Variants in REXO1 observed in about 807,000 individuals in gnomAD.
REXO1 encodes REX1, RNA exonuclease 1 homolog.
Under a neutral mutation model 102.6 loss-of-function variants are expected in REXO1, and 42 were observed. That is an observed-to-expected ratio of 0.41 (90% confidence interval 0.32 to 0.53). The LOEUF (loss-of-function observed/expected upper bound fraction) is 0.53. Among genes scored for constraint, REXO1 ranks in the 20% least tolerant of loss-of-function variants. REXO1 has a pLI of 0.27. For missense variants in REXO1, 1,819 were observed against 1,732.5 expected, an observed-to-expected ratio of 1.05 and a Z score of -0.89; for synonymous variants, 908 against 779.1, an observed-to-expected ratio of 1.17 and a Z score of -2.76.
chr19:1,839,716 C>T (rs894127856), intron 1 of REXO1, among the ~76,000 whole-genome samples: 6 of 152,246 alleles, frequency 3.9e-5, no homozygotes, highest in African/African-American at 1.4e-4. Context: ...AGGGCAGGGC[C>T]CTCCCTCTCT....
At position 1,826,902 on chromosome 19, in the gene REXO1, C is replaced by G; in HGVS notation, c.1887G>C (p.Glu629Asp). ...CCTGCCGGGCCAGCCGGCCTCTGTC[C>G]TCCGTCTTGACGCTGGTGGACTCGT... Reference protein sequence around the residue: ...IFNESTSVKTEDRGRLARQPP... With the variant: ...IFNESTSVKTDDRGRLARQPP... Residue 629 changes from glutamate (E) to aspartate (D), a missense_variant, in exon 2 of 16, where the codon GAG (glutamate) becomes GAC (aspartate). Coordinates refer to ENST00000170168, the MANE Select transcript of REXO1 (RefSeq NM_020695.4). This position sits in a 1 kb window ranked among gnomAD's most constrained non-coding sequence, Gnocchi z 4.3. The G allele has an allele frequency of 6.3e-7, 1 of 1,583,288 alleles. No homozygotes were observed.
At chr19:1,844,747 G>A (rs372245677) in intron 1 of REXO1, among the ~76,000 whole-genome samples, 42 of 152,342 alleles carry the variant, frequency 2.8e-4, no homozygotes, top group African/African-American at 7.9e-4. Flanking sequence ...TGTGCGCCCC[G>A]CACACACGTC....
chr19:1,831,083 C>T (rs1421576776), intron 1 of REXO1, among the ~76,000 whole-genome samples: 1 of 152,192 alleles, frequency 6.6e-6, no homozygotes, highest in African/African-American at 2.4e-5. Context: ...CGGGCCCACA[C>T]CAAGCCCGCA....
At position 1,826,628 on chromosome 19, in the gene REXO1, G is replaced by A. The variant is rs1165420420; in HGVS notation, c.1911+250C>T. On this transcript the variant is annotated intron_variant, in intron 2 of 15. Coordinates refer to ENST00000170168, the MANE Select transcript of REXO1 (RefSeq NM_020695.4). The surrounding 1 kb of genome is among the most constrained non-coding windows in gnomAD (Gnocchi z 4.3). ...GTCAGTGGGAACAGACCGTGTGCAC[G>A]TGGCCACAGAAGCCTGGCTGGTGGC... Among the ~76,000 whole-genome samples the A allele has an allele frequency of 6.6e-6, 1 of 152,104 alleles. No individual in the cohort carries two copies. The highest frequency in any genetic ancestry group is 1.5e-5 in the Non-Finnish European group (1 of 68,000).
chr19:1,823,528 A>G (rs914990809), intron 4 of REXO1, 44 bp downstream of exon 4: 2 of 1,254,804 alleles, frequency 1.6e-6, no homozygotes, highest in East Asian at 3.1e-5. Context: ...TCCTGCCCAC[A>G]TGCCCACGGC....
chr19:1,843,513 T>A (rs960757832), intron 1 of REXO1, among the ~76,000 whole-genome samples: 1 of 152,122 alleles, frequency 6.6e-6, no homozygotes, highest in African/African-American at 2.4e-5. Context: ...GCCCCCAGTG[T>A]CCCTAGCACC....
chr19:1,818,027 G>C (rs542013545), intron 10 of REXO1, among the ~76,000 whole-genome samples: 1 of 152,330 alleles, frequency 6.6e-6, no homozygotes, highest in African/African-American at 2.4e-5. Context: ...GCCCCGGGCA[G>C]CACCCTCCAG....
At position 1,824,523 on chromosome 19, in the gene REXO1, A is replaced by T. The variant is rs192491066; in HGVS notation, c.2017-738T>A. On this transcript the variant is annotated intron_variant, in intron 3 of 15. Transcript: ENST00000170168. ...CTTTCAAGTTTTTTTGCCCCAAAAT[A>T]AACTGATACTAACTTGTCATAACAT... The T allele has an allele frequency of 5.9e-5, 9 of 152,374 alleles. No individual in the cohort carries two copies. The South Asian group carries it at 8.3e-4, about 14-fold the overall frequency. The allele number at this position is 152,374 out of a possible 1,614,324, so 9.4% of individuals were successfully genotyped here. A position where few individuals can be genotyped will look rare whatever the true frequency, so the allele number is the denominator to read the frequency against.
At chr19:1,821,976 T>C (rs2069558278) in intron 4 of REXO1, 3 of 540,386 alleles carry the variant, frequency 5.6e-6, no homozygotes, top group South Asian at 2.7e-5. Context: ...AAGGCGTCGA[T>C]GTCTGAGGGA....
intron 1 of REXO1, among the ~76,000 whole-genome samples, chr19:1,835,593 G>A (rs1407264186): frequency 1.3e-5 from 2 of 152,112 alleles, no homozygotes; most frequent in Admixed American, 6.6e-5. Flanking sequence ...AATGAATGCC[G>A]ACTCTGGAAG....
chr19:1,847,319 G>A (rs557746133), intron 1 of REXO1, among the ~76,000 whole-genome samples: 13 of 152,336 alleles, frequency 8.5e-5, no homozygotes, highest in Admixed American at 7.8e-4. Flanking sequence ...AAGGTTCTGA[G>A]CTGAGACTGT....
chr19:1,826,986 G>C lies in REXO1; in HGVS notation c.1803C>G (p.Ala601=), dbSNP rs1437243009. The C allele has an allele frequency of 6.4e-7, 1 of 1,562,530 alleles. No individual in the cohort carries two copies. Among genetic ancestry groups the C allele is most frequent in the South Asian group, 1.2e-5 (1 of 85,264 alleles). ...AGTCAAAGTCCACCTCCTTCTCCAG[G>C]GCCGAGTAGTCCACATCCGCCCCCG... is the stretch of plus-strand genomic sequence containing the variant. ...SSAGADVDYS[A]LEKEVDFDSD... The change falls in exon 2 of 16, where the codon GCC becomes GCG. Residue 601 remains alanine (A), a synonymous_variant. Coordinates refer to ENST00000170168, the MANE Select transcript of REXO1 (RefSeq NM_020695.4). This position sits in a 1 kb window ranked among gnomAD's most constrained non-coding sequence, Gnocchi z 4.3.
Position 1,826,791 on chromosome 19 carries a change from C to G in REXO1, c.1911+87G>C. The G allele has an allele frequency of 6.6e-7, 1 of 1,513,350 alleles. No individual in the cohort carries two copies. Among genetic ancestry groups the G allele is most frequent in the Non-Finnish European group, 8.8e-7 (1 of 1,134,770 alleles). The allele number at this position is 1,513,350 out of a possible 1,614,324, so 93.7% of individuals were successfully genotyped here. On this transcript the variant is annotated intron_variant, in intron 2 of 15. Coordinates refer to ENST00000170168, the MANE Select transcript of REXO1 (RefSeq NM_020695.4). The surrounding 1 kb of genome is among the most constrained non-coding windows in gnomAD (Gnocchi z 4.3). ...CCTCCACCCCGTGCCTCCGAGCCAA[C>G]TGGAAACCACTCCAGATAGAAGGTC...
chr19:1,848,030 C>T (rs1280828157), intron 1 of REXO1, among the ~76,000 whole-genome samples, 172 bp downstream of exon 1: 1 of 152,234 alleles, frequency 6.6e-6, no homozygotes, highest in Non-Finnish European at 1.5e-5. Context: ...ACATCTAGTG[C>T]TTTGCACCGG....
Position 1,827,364 on chromosome 19 carries a change from G to A in REXO1, c.1425C>T (p.Arg475=), listed in dbSNP as rs889865652. ...SRPAAGRGPP[R]PLQLPDRKST... ...TCTTCCTGTCGGGCAGCTGGAGGGG[G>A]CGGGGTGGGCCTCTGCCGGCCGCCG... Residue 475 remains arginine, a synonymous_variant, in exon 2 of 16, where the codon CGC becomes CGT. Coordinates refer to ENST00000170168, the MANE Select transcript of REXO1 (RefSeq NM_020695.4). 17 of 1,542,448 alleles carry A rather than the reference G, an allele frequency of 1.1e-5. No individual in the cohort carries two copies. Among genetic ancestry groups the A allele is most frequent in the Non-Finnish European group, 1.1e-5 (13 of 1,149,466 alleles).
chr19:1,818,730 C>G lies in REXO1; in HGVS notation c.2878G>C (p.Ala960Pro). 6.2e-7 allele frequency: 1 copy of G among 1,611,242 alleles called. No homozygotes were observed. Among genetic ancestry groups the G allele is most frequent in the African/African-American group, 1.3e-5 (1 of 75,026 alleles). Residue 960 changes from alanine (A) to proline (P), a missense_variant, in exon 9 of 16, where the codon GCT (alanine) becomes CCT (proline). By Grantham distance (27) the Ala-to-Pro change is conservative. Coordinates refer to ENST00000170168, the MANE Select transcript of REXO1 (RefSeq NM_020695.4). ...CAGTCCTTGGGCCTCTTCTCCTCAG[C>G]TGTGAAGATGATTGCGCCCCCGGGC... ...ERPGGAIIFT[A>P]EEKRPKDSSC...
At position 1,826,052 on chromosome 19, in the gene REXO1, C is replaced by A; in HGVS notation, c.1912-109G>T. 1 of 744,382 alleles carries A rather than the reference C, an allele frequency of 1.3e-6. No individual in the cohort carries two copies. The highest frequency in any genetic ancestry group is 2.3e-6 in the Non-Finnish European group (1 of 425,720). The allele number at this position is 744,382 out of a possible 1,614,324, so 46.1% of individuals were successfully genotyped here. On this transcript the variant is annotated intron_variant, in intron 2 of 15. Coordinates refer to ENST00000170168, the MANE Select transcript of REXO1 (RefSeq NM_020695.4). This position sits in a 1 kb window ranked among gnomAD's most constrained non-coding sequence, Gnocchi z 4.3. ...GTGGGGAATGGAACAGTCCAGCCCC[C>A]AGGCACAGCAGCTGAGGGCTCAGGG...
Position 1,818,690 on chromosome 19 carries a change from C to G in REXO1, c.2902+16G>C, listed in dbSNP as rs372827582. ...CCGCACCTGCCCACCTAGGCCGTCG[C>G]AGGCCAGCGACTCACAGTCCTTGGG... On this transcript the variant is annotated intron_variant, in intron 9 of 15. Transcript: ENST00000170168. 168 of 1,610,380 alleles carry G rather than the reference C, an allele frequency of 1.0e-4. No homozygotes were observed. The highest frequency in any genetic ancestry group is 1.3e-4 in the Non-Finnish European group (159 of 1,179,462).
intron 1 of REXO1, among the ~76,000 whole-genome samples, chr19:1,836,548 C>A (rs2070041727): frequency 6.6e-6 from 1 of 151,956 alleles, no homozygotes. Context: ...GAGTTCGAGA[C>A]CAGCCTGGAC....
Sources: allele counts gnomAD v4.1 joint callset (sites outside exome capture counted in the v4.1 genomes callset), GRCh38; gene constraint gnomAD v4.1.1; non-coding constraint Gnocchi (gnomAD v3.1); transcripts MANE v1.5; gene names NCBI Gene and HGNC (gene_info 2026-07-23, HGNC 2026-07-21).